Variants in STXBP4 observed in about 807,000 individuals in gnomAD.
The protein encoded by STXBP4 is syntaxin-binding protein 4.
Under a neutral mutation model 76.1 loss-of-function variants are expected in STXBP4, and 55 were observed. The ratio of observed to expected loss-of-function variants is 0.72; its 90% CI spans 0.58 to 0.91. The LOEUF (loss-of-function observed/expected upper bound fraction) is 0.91, where lower values mean the gene tolerates loss of function less well. STXBP4 is among the 40% of genes least tolerant of loss of function. The pLI is 0.00. For synonymous variants in STXBP4, 201 were observed against 220.2 expected (o/e 0.91, Z 0.77); for missense variants, 618 against 636.9 (o/e 0.97, Z 0.32).
chr17:54,986,088 C>A, intron 2 of STXBP4, 54 bp from the exon 3 acceptor site: 2 of 746,140 alleles, frequency 2.7e-6, no homozygotes, highest in South Asian at 1.6e-5. Flanking sequence ...CAGTTGGAAT[C>A]AAATTTGACA....
chr17:55,177,229 A>T (rs998200592), downstream of STXBP4, among the ~76,000 whole-genome samples: 1 of 152,192 alleles, frequency 6.6e-6, no homozygotes, highest in Non-Finnish European at 1.5e-5. Flanking sequence ...ATTTGTTTTT[A>T]AAAACTCCCA....
At chr17:55,104,873 G>C (rs2079612105) in intron 16 of STXBP4, among the ~76,000 whole-genome samples, 1 of 152,118 alleles carries the variant, frequency 6.6e-6, no homozygotes, top group Non-Finnish European at 1.5e-5. Context: ...TACATGTCCA[G>C]GAATTTATCC....
intron 10 of STXBP4, among the ~76,000 whole-genome samples, chr17:55,036,174 C>T (rs949942027): frequency 6.6e-6 from 1 of 151,950 alleles, no homozygotes; most frequent in Admixed American, 6.6e-5. Flanking sequence ...CCCAGACCTC[C>T]TGCCATTCTT....
the STXBP4 span, among the ~76,000 whole-genome samples, chr17:55,181,724 AAAG>A: frequency 6.6e-6 from 1 of 152,222 alleles, no homozygotes; most frequent in Non-Finnish European, 1.5e-5. Context: ...CTGATATCTG[AAAG>A]AAGATGGAAA....
chr17:55,014,809 G>A (rs2078175870), intron 8 of STXBP4, among the ~76,000 whole-genome samples: 1 of 152,110 alleles, frequency 6.6e-6, no homozygotes, highest in African/African-American at 2.4e-5. Context: ...TGTCCTCGTA[G>A]GCCACACTGG....
intron 16 of STXBP4, among the ~76,000 whole-genome samples, chr17:55,108,425 C>G (rs1473408574): frequency 6.6e-6 from 1 of 152,154 alleles, no homozygotes; most frequent in African/African-American, 2.4e-5. Context: ...ACAGTTCTGT[C>G]TCACTGGTGT....
chr17:55,134,287 A>C (rs1307653670), intron 16 of STXBP4, among the ~76,000 whole-genome samples: 1 of 152,056 alleles, frequency 6.6e-6, no homozygotes, highest in Non-Finnish European at 1.5e-5. Flanking sequence ...GGGTGAATGT[A>C]CTGAAAGGCT....
At chr17:55,031,450 GA>G (rs35441144) in intron 9 of STXBP4, among the ~76,000 whole-genome samples, 186 bp downstream of exon 9, 30,689 of 151,986 alleles carry the variant, frequency 0.2, 3,327 homozygotes, top group Middle Eastern at 0.34. Flanking sequence ...AGGGTCAGCA[GA>G]AAGAAGAATT....
At chr17:55,182,392 A>C in the STXBP4 span, among the ~76,000 whole-genome samples, 1 of 152,190 alleles carries the variant, frequency 6.6e-6, no homozygotes, top group Non-Finnish European at 1.5e-5. Flanking sequence ...GAAAACATCC[A>C]GAATTATGCA....
the STXBP4 span, among the ~76,000 whole-genome samples, chr17:55,200,040 T>C: frequency 2.0e-5 from 3 of 152,258 alleles, no homozygotes. Context: ...GTAAAGCCTT[T>C]TTAAATTCCC....
chr17:55,025,539 C>T (rs2787480), intron 8 of STXBP4, among the ~76,000 whole-genome samples: 25,676 of 152,030 alleles, frequency 0.17, 2,781 homozygotes, highest in South Asian at 0.23. Context: ...AATTCTTTTA[C>T]GTGATGGTCT....
downstream of STXBP4, among the ~76,000 whole-genome samples, chr17:55,178,335 T>G (rs1030919487): frequency 1.3e-5 from 2 of 152,198 alleles, no homozygotes; most frequent in East Asian, 3.8e-4. Flanking sequence ...TCAGATAAAT[T>G]CATTGAACTA....
At chr17:55,003,614 A>C (rs1318929202) in intron 7 of STXBP4, among the ~76,000 whole-genome samples, 1 of 152,238 alleles carries the variant, frequency 6.6e-6, no homozygotes, top group Non-Finnish European at 1.5e-5. Flanking sequence ...AAAAATATAA[A>C]CAAATTTTAA....
the STXBP4 span, among the ~76,000 whole-genome samples, chr17:55,213,138 T>C: frequency 1.3e-5 from 2 of 152,110 alleles, no homozygotes; most frequent in East Asian, 3.9e-4. Context: ...GGGAAGAAAC[T>C]GCCCCCCATC....
In STXBP4 at chr17:55,067,687, C is replaced by G. The variant is rs1598282244; in HGVS notation, c.1012-5213C>G. Reference sequence around the variant, plus strand: ...CAATATTTTGAGGAAATCAATCTTTCAGAAGTATGCAGAATACAATAAAGA... The same window carrying G: ...CAATATTTTGAGGAAATCAATCTTTGAGAAGTATGCAGAATACAATAAAGA... On this transcript the variant is annotated intron_variant, in intron 12 of 17. Transcript: ENST00000376352. 2.6e-5 allele frequency among the ~76,000 whole-genome samples: 4 copies of G among 152,006 alleles called. No individual in the cohort carries two copies. The East Asian group carries it at 7.7e-4, about 29-fold the overall frequency.
chr17:55,029,438 T>C (rs1367722902), intron 8 of STXBP4, among the ~76,000 whole-genome samples: 1 of 151,952 alleles, frequency 6.6e-6, no homozygotes, highest in Admixed American at 6.6e-5. Flanking sequence ...TATACATAAA[T>C]TTTAAGTACA....
At chr17:55,125,491 A>AAAAC (rs2079900470) in intron 16 of STXBP4, among the ~76,000 whole-genome samples, 1 of 151,330 alleles carries the variant, frequency 6.6e-6, no homozygotes, top group Non-Finnish European at 1.5e-5. Context: ...AAAAAAAAAA[A>AAAAC]AAAAAAAAAT....
intron 7 of STXBP4, among the ~76,000 whole-genome samples, chr17:55,002,807 T>C (rs2077942381): frequency 6.6e-6 from 1 of 152,306 alleles, no homozygotes; most frequent in South Asian, 2.1e-4. Flanking sequence ...GGAGTTGTTA[T>C]GAGGATTAAA....
chr17:55,015,099 T>G (rs2078181358), intron 8 of STXBP4, among the ~76,000 whole-genome samples: 1 of 152,210 alleles, frequency 6.6e-6, no homozygotes, highest in African/African-American at 2.4e-5. Context: ...TTAGTTGGCC[T>G]TCAATAGAGT....
Sources: allele counts gnomAD v4.1 joint callset (sites outside exome capture counted in the v4.1 genomes callset), GRCh38; gene constraint gnomAD v4.1.1; transcripts MANE v1.5; gene names NCBI Gene and HGNC (gene_info 2026-07-23, HGNC 2026-07-21).